ATP8A2: variants seen among roughly 807,000 people sequenced by gnomAD.
The protein encoded by ATP8A2 is phospholipid-transporting ATPase IB.
A neutral mutation model predicts 165.6 loss-of-function variants in ATP8A2; 100 were observed. That is an observed-to-expected ratio of 0.60 (90% CI 0.51 to 0.71). The LOEUF (loss-of-function observed/expected upper bound fraction) is 0.71, where lower values mean the gene tolerates loss of function less well. ATP8A2 is among the 30% of genes least tolerant of loss of function. The probability of loss-of-function intolerance (pLI) is 0.00; values close to 1 mark genes in which losing one functional copy is unlikely to be tolerated. For missense variants in ATP8A2, 1,227 were observed against 1,479.5 expected (o/e 0.83, Z 2.80); for synonymous variants, 543 against 548.8 (o/e 0.99, Z 0.15).
chr13:25,533,946 C>T (rs2038197146), intron 6 of ATP8A2, among the ~76,000 whole-genome samples: 2 of 152,276 alleles, frequency 1.3e-5, no homozygotes, highest in South Asian at 2.1e-4. Context: ...TCTTAATGGA[C>T]ACAAGATGTG....
At chr13:25,524,732 T>A (rs948018056) in intron 2 of ATP8A2, among the ~76,000 whole-genome samples, 3 of 152,098 alleles carry the variant, frequency 2.0e-5, no homozygotes, top group African/African-American at 7.2e-5. Context: ...TATCGGTTTC[T>A]TGTAGGCAGC....
At chr13:26,004,693 C>G (rs936330407) in intron 35 of ATP8A2, among the ~76,000 whole-genome samples, 3 of 151,894 alleles carry the variant, frequency 2.0e-5, no homozygotes, top group Non-Finnish European at 4.4e-5. Context: ...TATAACTAAT[C>G]TGTTGAGTTT....
chr13:25,845,032 C>A (rs1365267789), intron 30 of ATP8A2, among the ~76,000 whole-genome samples: 1 of 152,314 alleles, frequency 6.6e-6, no homozygotes. Context: ...TCAAAGCACT[C>A]CTTTGCTGAT....
At chr13:25,617,394 CAATT>C (rs1156244548) in intron 24 of ATP8A2, among the ~76,000 whole-genome samples, 3 of 152,128 alleles carry the variant, frequency 2.0e-5, no homozygotes, top group Admixed American at 6.5e-5. Context: ...TTTTATAACT[CAATT>C]GATTTAAATG....
At chr13:25,725,451 A>C (rs3132363) in intron 25 of ATP8A2, among the ~76,000 whole-genome samples, 116,302 of 152,150 alleles carry the variant, frequency 0.76, 44,894 homozygotes, top group Middle Eastern at 0.81. Context: ...CTGACTCTGA[A>C]CCTCTGAGAT....
At chr13:25,507,484 A>G (rs2037086944) in intron 2 of ATP8A2, among the ~76,000 whole-genome samples, 1 of 151,882 alleles carries the variant, frequency 6.6e-6, no homozygotes, top group Non-Finnish European at 1.5e-5. Context: ...CAGGCTGGTC[A>G]CGAACTCCTG....
chr13:25,800,429 A>G (rs1033170763), intron 27 of ATP8A2, among the ~76,000 whole-genome samples: 5 of 152,200 alleles, frequency 3.3e-5, no homozygotes, highest in African/African-American at 1.2e-4. Flanking sequence ...CACGCCAGAC[A>G]TTATTGCACA....
At chr13:25,818,347 T>C (rs1309353591) in intron 27 of ATP8A2, among the ~76,000 whole-genome samples, 2 of 152,336 alleles carry the variant, frequency 1.3e-5, no homozygotes, top group East Asian at 3.9e-4. Context: ...AGTGACCATC[T>C]TAAAGTATCA....
chr13:25,778,917 AAC>A, intron 27 of ATP8A2, among the ~76,000 whole-genome samples: 1 of 152,346 alleles, frequency 6.6e-6, no homozygotes, highest in South Asian at 2.1e-4. Context: ...TATCATTAGA[AAC>A]ACACTGAGGA....
chr13:25,692,212 C>G (rs185373944), intron 24 of ATP8A2, among the ~76,000 whole-genome samples: 1 of 152,342 alleles, frequency 6.6e-6, no homozygotes, highest in East Asian at 1.9e-4. Context: ...TAGCTACTCA[C>G]TAGCCCAATT....
At chr13:25,781,897 C>T (rs1005792376) in intron 27 of ATP8A2, among the ~76,000 whole-genome samples, 3 of 152,144 alleles carry the variant, frequency 2.0e-5, no homozygotes, top group Admixed American at 6.5e-5. Flanking sequence ...TGTTAATGCA[C>T]GGAGATGCTA....
At chr13:25,702,065 C>T (rs138908486) in intron 25 of ATP8A2, among the ~76,000 whole-genome samples, 362 of 152,188 alleles carry the variant, frequency 2.4e-3, no homozygotes, top group African/African-American at 7.9e-3. Flanking sequence ...GATGTACTTA[C>T]TATTCATTGA....
At chr13:25,962,206 C>G (rs1036237900) in intron 34 of ATP8A2, among the ~76,000 whole-genome samples, 3 of 152,088 alleles carry the variant, frequency 2.0e-5, no homozygotes, top group Non-Finnish European at 4.4e-5. Flanking sequence ...AAACTCAGTG[C>G]TAAGTGGTCA....
intron 24 of ATP8A2, among the ~76,000 whole-genome samples, chr13:25,685,976 C>T (rs2042592819): frequency 6.6e-6 from 1 of 152,064 alleles, no homozygotes; most frequent in South Asian, 2.1e-4. Flanking sequence ...GCACAGGTGG[C>T]ATTGTTTGCT....
At chr13:25,808,840 C>T (rs544182694) in intron 27 of ATP8A2, among the ~76,000 whole-genome samples, 1 of 152,028 alleles carries the variant, frequency 6.6e-6, no homozygotes, top group Admixed American at 6.5e-5. Flanking sequence ...TTAACTTTTA[C>T]AAACCACTGT....
At chr13:25,880,071 G>A (rs961162277) in intron 33 of ATP8A2, among the ~76,000 whole-genome samples, 1 of 152,176 alleles carries the variant, frequency 6.6e-6, no homozygotes, top group Admixed American at 6.5e-5. Flanking sequence ...CAGCGGCGTA[G>A]GCCTGTCCAT....
intron 30 of ATP8A2, among the ~76,000 whole-genome samples, chr13:25,858,597 A>T (rs1303987313): frequency 3.3e-5 from 5 of 152,160 alleles, no homozygotes; most frequent in Admixed American, 6.5e-5. Context: ...CTCCATCATT[A>T]TGCTGTTTTA....
intron 2 of ATP8A2, among the ~76,000 whole-genome samples, chr13:25,470,343 TG>T (rs1236845734): frequency 1.3e-5 from 2 of 152,218 alleles, no homozygotes; most frequent in Admixed American, 6.5e-5. Context: ...TCAGAATGTG[TG>T]GGCTTCGTTT....
chr13:25,708,002 TCA>T (rs1430807074), intron 25 of ATP8A2, among the ~76,000 whole-genome samples: 1 of 152,198 alleles, frequency 6.6e-6, no homozygotes. Context: ...CCAGAAGAGC[TCA>T]CAGACACATG....
Sources: gnomAD v4.1 joint callset for allele counts (sites outside exome capture counted in the v4.1 genomes callset) on GRCh38, gnomAD v4.1.1 for gene constraint, MANE v1.5 for transcripts, NCBI Gene and HGNC (gene_info 2026-07-23, HGNC 2026-07-21) for gene names.